Variants in DOK6 observed in about 807,000 individuals in gnomAD.
The protein encoded by DOK6 is docking protein 6.
A neutral mutation model predicts 44.0 loss-of-function variants in DOK6; 22 were observed. The ratio of observed to expected loss-of-function variants is 0.50; its 90% CI spans 0.36 to 0.71. The LOEUF (loss-of-function observed/expected upper bound fraction) is 0.71, where lower values mean the gene tolerates loss of function less well. Ranked by LOEUF, DOK6 falls within the 30% of genes least tolerant of loss-of-function variation. DOK6 has a pLI of 0.00. For missense variants in DOK6, 340 were observed against 416.4 expected, an observed-to-expected ratio of 0.82 and a Z score of 1.60; for synonymous variants, 166 against 145.5, an observed-to-expected ratio of 1.14 and a Z score of -1.01.
chr18:69,546,763 A>G (rs949825228), intron 1 of DOK6, among the ~76,000 whole-genome samples: 9 of 151,508 alleles, frequency 5.9e-5, no homozygotes, highest in African/African-American at 2.2e-4. Flanking sequence ...GGGTATTTGG[A>G]GTAGCCATCA....
intron 6 of DOK6, among the ~76,000 whole-genome samples, chr18:69,753,598 G>C (rs1171960293): frequency 6.6e-6 from 1 of 152,192 alleles, no homozygotes; most frequent in East Asian, 1.9e-4. Flanking sequence ...CAAAAGAATA[G>C]AAGGAAGAGA....
intron 1 of DOK6, among the ~76,000 whole-genome samples, chr18:69,503,276 G>T (rs1981095314): frequency 6.6e-6 from 1 of 152,062 alleles, no homozygotes; most frequent in Admixed American, 6.6e-5. Context: ...ACCAAGTGTT[G>T]TGCATAACCA....
chr18:69,487,227 C>CTG (rs150469904), intron 1 of DOK6, among the ~76,000 whole-genome samples: 21 of 125,104 alleles, frequency 1.7e-4, no homozygotes, highest in Admixed American at 4.0e-4. Flanking sequence ...GTGTGTCTGT[C>CTG]TGTGTGTGTG....
chr18:69,691,837 G>A (rs1323410828), intron 4 of DOK6, among the ~76,000 whole-genome samples: 1 of 152,268 alleles, frequency 6.6e-6, no homozygotes, highest in African/African-American at 2.4e-5. Context: ...AAGGGTAATA[G>A]GCTCCATGTC....
intron 6 of DOK6, among the ~76,000 whole-genome samples, chr18:69,743,662 T>G (rs1295945734): frequency 6.6e-6 from 1 of 151,426 alleles, no homozygotes; most frequent in Non-Finnish European, 1.5e-5. Context: ...AAGACAAGAA[T>G]GAGAAAAAAA....
At chr18:69,741,637 C>T (rs955945344) in intron 6 of DOK6, among the ~76,000 whole-genome samples, 1 of 152,062 alleles carries the variant, frequency 6.6e-6, no homozygotes, top group African/African-American at 2.4e-5. Flanking sequence ...GCTGGTACTA[C>T]AGGCCTGCAC....
intron 6 of DOK6, among the ~76,000 whole-genome samples, chr18:69,742,400 G>A (rs1174574204): frequency 2.2e-5 from 3 of 135,608 alleles, no homozygotes; most frequent in Non-Finnish European, 4.7e-5. Context: ...GGCAACAAGA[G>A]TGAAACTCCA....
intron 3 of DOK6, among the ~76,000 whole-genome samples, chr18:69,630,214 A>G (rs188416040): frequency 3.3e-5 from 5 of 152,320 alleles, no homozygotes; most frequent in African/African-American, 1.2e-4. Flanking sequence ...CTACATGCCA[A>G]TAACAAGTAA....
At chr18:69,545,643 AG>A (rs1982385380) in intron 1 of DOK6, among the ~76,000 whole-genome samples, 1 of 151,352 alleles carries the variant, frequency 6.6e-6, no homozygotes, top group Non-Finnish European at 1.5e-5. Context: ...ATTAATATGA[AG>A]AGAAAGCTAA....
At chr18:69,569,997 A>C (rs182165497) in intron 2 of DOK6, among the ~76,000 whole-genome samples, 14 of 152,238 alleles carry the variant, frequency 9.2e-5, no homozygotes, top group Admixed American at 5.9e-4. Flanking sequence ...TAATGAGAAC[A>C]TATGGACAGA....
intron 7 of DOK6, among the ~76,000 whole-genome samples, chr18:69,835,193 T>C (rs1317724582): frequency 1.3e-5 from 2 of 152,148 alleles, no homozygotes; most frequent in Admixed American, 1.3e-4. Context: ...CCGGGCGCGG[T>C]GGCTCACGCC....
chr18:69,653,489 G>A (rs1011812852), intron 3 of DOK6, among the ~76,000 whole-genome samples: 2 of 152,088 alleles, frequency 1.3e-5, no homozygotes, highest in Admixed American at 1.3e-4. Flanking sequence ...CAAGCTGAAG[G>A]TGGTGGCTAA....
chr18:69,513,100 AC>A (rs1279817827), intron 1 of DOK6, among the ~76,000 whole-genome samples: 1 of 124,694 alleles, frequency 8.0e-6, no homozygotes, highest in East Asian at 2.1e-4. Flanking sequence ...TTATATCTAT[AC>A]TTAAAATAAC....
At chr18:69,797,666 C>G (rs1160840516) in intron 7 of DOK6, among the ~76,000 whole-genome samples, 1 of 151,810 alleles carries the variant, frequency 6.6e-6, no homozygotes, top group East Asian at 1.9e-4. Flanking sequence ...TTTTTTCCTT[C>G]TTTTCTTATT....
Position 69,822,431 on chromosome 18 carries a change from T to G in DOK6, c.857-18813T>G, listed in dbSNP as rs370228707. ...GAGTATTAGCCTTTTTGATGGCTAA[T>G]TGAATCCCAATTCCCAAAAGATGAT... is the stretch of plus-strand genomic sequence containing the variant. On this transcript the variant is annotated intron_variant, in intron 7 of 7. Transcript: ENST00000382713. Among the ~76,000 whole-genome samples the G allele has an allele frequency of 2.7e-5, 4 of 150,624 alleles. No homozygotes were observed. In the South Asian group the frequency reaches 8.4e-4, roughly 32 times the overall value.
chr18:69,447,820 C>T (rs1979340116), intron 1 of DOK6, among the ~76,000 whole-genome samples: 1 of 152,176 alleles, frequency 6.6e-6, no homozygotes, highest in African/African-American at 2.4e-5. Context: ...TAAAAGTAAA[C>T]ATATCTCTTT....
At chr18:69,420,127 T>C (rs356005) in intron 1 of DOK6, among the ~76,000 whole-genome samples, 1,788 of 152,176 alleles carry the variant, frequency 0.012, 35 homozygotes, top group African/African-American at 0.041. Flanking sequence ...CAATAAAACA[T>C]ACAAAAAAAC....
Position 69,510,396 on chromosome 18 carries a change from T to C in DOK6, c.67-54091T>C, listed in dbSNP as rs138695740. ...TGTTCAGGCCATAAATTTGCTTTTG[T>C]AAATATGGACTACTGATTTTATTAA... On this transcript the variant is annotated intron_variant, in intron 1 of 7. Transcript: ENST00000382713. 3.1e-3 allele frequency among the ~76,000 whole-genome samples: 467 copies of C among 152,328 alleles called. 2 individuals carry two copies. Among genetic ancestry groups the C allele is most frequent in the African/African-American group, 0.011 (441 of 41,580 alleles).
At chr18:69,589,393 C>T (rs1316123395) in intron 2 of DOK6, among the ~76,000 whole-genome samples, 2 of 151,442 alleles carry the variant, frequency 1.3e-5, no homozygotes, top group African/African-American at 4.9e-5. Flanking sequence ...GTAAAATACC[C>T]AGATTAATAA....
Sources: allele counts gnomAD v4.1 joint callset (sites outside exome capture counted in the v4.1 genomes callset), GRCh38; gene constraint gnomAD v4.1.1; transcripts MANE v1.5; gene names NCBI Gene and HGNC (gene_info 2026-07-23, HGNC 2026-07-21).